Variants in CDK12 observed in about 807,000 individuals in gnomAD.
CDK12 encodes the protein cyclin-dependent kinase 12.
In CDK12, 17 loss-of-function variants were observed where a neutral mutation model predicts 133.8. The observed-to-expected ratio is 0.13, with a 90% CI of 0.09 to 0.19. The LOEUF (loss-of-function observed/expected upper bound fraction) is 0.19. Among genes scored for constraint, CDK12 ranks in the 10% least tolerant of loss-of-function variants. The pLI is 1.00. For synonymous variants in CDK12, 694 were observed against 683.6 expected, an observed-to-expected ratio of 1.02 and a Z score of -0.24; for missense variants, 1,508 against 1,818.7, an observed-to-expected ratio of 0.83 and a Z score of 3.11.
At chr17:39,502,178 A>C (rs779273518) in intron 6 of CDK12, among the ~76,000 whole-genome samples, 12 of 146,828 alleles carry the variant, frequency 8.2e-5, no homozygotes, top group Non-Finnish European at 1.8e-4. Context: ...TTTGAAACGG[A>C]GTCTTGCTCT....
intron 3 of CDK12, among the ~76,000 whole-genome samples, chr17:39,558,667 G>A (rs2056251935): frequency 6.6e-6 from 1 of 152,000 alleles, no homozygotes; most frequent in African/African-American, 2.4e-5. Flanking sequence ...TTTTGAGACG[G>A]AGTTTTGCTC....
chr17:39,480,205 G>T (rs1211468312), intron 2 of CDK12, among the ~76,000 whole-genome samples: 1 of 150,816 alleles, frequency 6.6e-6, no homozygotes, highest in Non-Finnish European at 1.5e-5. Context: ...ATATAGGCGC[G>T]AGCCACCGTG....
At chr17:39,492,406 T>C (rs2051701186) in intron 3 of CDK12, among the ~76,000 whole-genome samples, 1 of 144,430 alleles carries the variant, frequency 6.9e-6, no homozygotes. Context: ...AATTTCATTT[T>C]CTTTTTTTTT....
At chr17:39,498,990 TC>T in intron 5 of CDK12, among the ~76,000 whole-genome samples, 1 of 2 alleles carries the variant, frequency 0.5, no homozygotes, top group African/African-American at 0.5. Flanking sequence ...TTTCTTTCTT[TC>T]TTTCTTTCTT....
intron 5 of CDK12, among the ~76,000 whole-genome samples, chr17:39,497,175 G>A (rs1308848474): frequency 6.6e-6 from 1 of 151,990 alleles, no homozygotes; most frequent in Non-Finnish European, 1.5e-5. Context: ...CAGCTGATCC[G>A]CCCACCTCGG....
At chr17:39,559,859 A>T (rs993293601) in intron 3 of CDK12, among the ~76,000 whole-genome samples, 1 of 8,686 alleles carries the variant, frequency 1.2e-4, no homozygotes, top group Non-Finnish European at 2.2e-4. Flanking sequence ...AAAAATGTTA[A>T]AAAAAAAAAA....
rs565393306 is a variant in CDK12, at chr17:39,510,981, C to T, written c.2667-548C>T. Among the ~76,000 whole-genome samples the T allele has an allele frequency of 1.2e-4, 17 of 140,486 alleles. No individual in the cohort carries two copies. The East Asian group carries it at 2.7e-3, about 23-fold the overall frequency. 92.2% of individuals were successfully genotyped at this position (140,486 alleles called of 152,430 possible). ...CCGTAATCCCAGCACTTTGGGAGAC[C>T]GAGGTGGGTGGATCATGAGGTCAGG... On this transcript the variant is annotated intron_variant, in intron 7 of 13. Coordinates refer to ENST00000447079, the MANE Select transcript of CDK12 (RefSeq NM_016507.4).
At chr17:39,536,227 A>G (rs145854295), downstream of CDK12, among the ~76,000 whole-genome samples, 161 of 152,144 alleles carry the variant, frequency 1.1e-3, no homozygotes, top group Non-Finnish European at 1.8e-3. Flanking sequence ...TCACCATTCA[A>G]CTGGAATAAT....
At chr17:39,490,884 TTTC>T (rs2051539788) in intron 3 of CDK12, 151 bp downstream of exon 3, 2 of 536,796 alleles carry the variant, frequency 3.7e-6, no homozygotes. Context: ...GACAAAAGCC[TTTC>T]TTGGAGACTC....
At chr17:39,534,934 G>A (rs2143405496), downstream of CDK12, 1 of 152,402 alleles carries the variant, frequency 6.6e-6, no homozygotes, top group South Asian at 2.1e-4. Context: ...CCAAAGGATA[G>A]TCTTAAACCA....
chr17:39,471,125 G>GAAC lies in CDK12; in HGVS notation c.1295_1297dup (p.Asn432dup). ...CACCTGTATTTTTGCCTAGAAAAGAGAACAGTTCAGTAGAGGCTAAGGATT... is the reference window on the plus strand; with the variant it reads ...CACCTGTATTTTTGCCTAGAAAAGAGAACAACAGTTCAGTAGAGGCTAAGGATT... On this transcript the variant is annotated inframe_insertion, in exon 2 of 14. Coordinates refer to ENST00000447079, the MANE Select transcript of CDK12 (RefSeq NM_016507.4). 6.2e-7 allele frequency: 1 copy of GAAC among 1,606,506 alleles called. No homozygotes were observed. Among genetic ancestry groups the GAAC allele is most frequent in the South Asian group, 1.1e-5 (1 of 89,974 alleles).
downstream of CDK12, among the ~76,000 whole-genome samples, chr17:39,566,347 T>C (rs534624968): frequency 2.3e-3 from 343 of 152,174 alleles, 2 homozygotes; most frequent in Non-Finnish European, 1.4e-3. Context: ...CTCTGGTCAT[T>C]AGGGCAAGGA....
chr17:39,486,924 C>G (rs2051178148), intron 2 of CDK12, among the ~76,000 whole-genome samples: 1 of 152,152 alleles, frequency 6.6e-6, no homozygotes, highest in South Asian at 2.1e-4. Flanking sequence ...AGCAGAATCA[C>G]TTGAACCCAG....
At chr17:39,505,227 C>CAAAAA (rs149103539) in intron 6 of CDK12, among the ~76,000 whole-genome samples, 4 of 47,590 alleles carry the variant, frequency 8.4e-5, no homozygotes, top group Admixed American at 2.5e-4. Flanking sequence ...GACTCCGTTT[C>CAAAAA]AAAAAAAAAA....
intron 5 of CDK12, among the ~76,000 whole-genome samples, chr17:39,500,397 C>T (rs539360294): frequency 1.6e-4 from 25 of 152,072 alleles, no homozygotes; most frequent in Admixed American, 9.8e-4. Context: ...CTTTGGGAAG[C>T]TAAGGCAGGC....
chr17:39,506,728 G>T (rs1049148472), intron 6 of CDK12, among the ~76,000 whole-genome samples: 1 of 152,118 alleles, frequency 6.6e-6, no homozygotes, highest in African/African-American at 2.4e-5. Context: ...CTGGGAGTGA[G>T]TGGAGGCACT....
chr17:39,473,662 G>A (rs768327814), intron 2 of CDK12, among the ~76,000 whole-genome samples: 5 of 152,106 alleles, frequency 3.3e-5, no homozygotes, highest in Admixed American at 2.0e-4. Context: ...AGGCCAAGGC[G>A]GGCGAATCAT....
At chr17:39,563,864 T>C (rs1046639372) in intron 3 of CDK12, among the ~76,000 whole-genome samples, 12 of 152,150 alleles carry the variant, frequency 7.9e-5, no homozygotes, top group African/African-American at 2.7e-4. Context: ...TGTGGTCATA[T>C]TAGAAAAACA....
chr17:39,497,903 C>T (rs943346145), intron 5 of CDK12, among the ~76,000 whole-genome samples: 1 of 152,092 alleles, frequency 6.6e-6, no homozygotes, highest in African/African-American at 2.4e-5. Flanking sequence ...CCGCACCCAG[C>T]GAATGTCATT....
Sources: gnomAD v4.1 joint callset for allele counts (sites outside exome capture counted in the v4.1 genomes callset) on GRCh38, gnomAD v4.1.1 for gene constraint, MANE v1.5 for transcripts, NCBI Gene and HGNC (gene_info 2026-07-23, HGNC 2026-07-21) for gene names.